VTI1A: variants seen among roughly 807,000 people sequenced by gnomAD.
VTI1A encodes vesicle transport through interaction with t-SNAREs homolog 1A.
A neutral mutation model predicts 34.9 loss-of-function variants in VTI1A; 22 were observed. That is an observed-to-expected ratio of 0.63 (90% CI 0.45 to 0.90). VTI1A has a LOEUF of 0.90. VTI1A is among the 40% of genes least tolerant of loss of function. The pLI is 0.00. For missense variants in VTI1A, 268 were observed against 275.6 expected (o/e 0.97, Z 0.20); for synonymous variants, 87 against 97.3 (o/e 0.89, Z 0.62).
At chr10:112,641,374 G>T (rs1846565917) in intron 5 of VTI1A, among the ~76,000 whole-genome samples, 1 of 152,126 alleles carries the variant, frequency 6.6e-6, no homozygotes, top group African/African-American at 2.4e-5. Flanking sequence ...TCCTTACTTT[G>T]CACAATGTGG....
chr10:112,455,560 C>T (rs1589786687), intron 1 of VTI1A, among the ~76,000 whole-genome samples: 1 of 115,362 alleles, frequency 8.7e-6, no homozygotes, highest in South Asian at 3.6e-4. Flanking sequence ...TCCTTCCTTC[C>T]TTCCTTCTCT....
chr10:112,512,321 C>A (rs1483630293), intron 3 of VTI1A, among the ~76,000 whole-genome samples: 1 of 152,070 alleles, frequency 6.6e-6, no homozygotes, highest in Non-Finnish European at 1.5e-5. Flanking sequence ...AGCATTTTTT[C>A]ATATACCTGT....
At chr10:112,830,849 A>ATATATATATATATTTTTTTTTTTTT in the VTI1A span, among the ~76,000 whole-genome samples, 3 of 33,498 alleles carry the variant, frequency 9.0e-5, no homozygotes, top group African/African-American at 4.3e-4. Context: ...ATATATATAT[A>ATATATATATATATTTTTTTTTTTTT]TTTTTTTTTT....
chr10:112,823,880 A>G, the VTI1A span: 1 of 152,138 alleles, frequency 6.6e-6, no homozygotes, highest in Non-Finnish European at 1.5e-5. Flanking sequence ...AAAACTTTTG[A>G]GCTTTGTGGG....
intron 3 of VTI1A, among the ~76,000 whole-genome samples, chr10:112,516,470 A>G (rs1223398936): frequency 1.3e-5 from 2 of 152,078 alleles, no homozygotes; most frequent in African/African-American, 4.8e-5. Flanking sequence ...TTTTTAGACA[A>G]TTATTCATTT....
chr10:112,822,339 G>A (rs1195485535), downstream of VTI1A, among the ~76,000 whole-genome samples: 1 of 152,206 alleles, frequency 6.6e-6, no homozygotes, highest in Non-Finnish European at 1.5e-5. Context: ...CTCTGCAAAG[G>A]AGCAGTAATG....
intron 7 of VTI1A, among the ~76,000 whole-genome samples, chr10:112,684,361 T>G (rs776013581): frequency 2.0e-5 from 3 of 152,184 alleles, no homozygotes; most frequent in Non-Finnish European, 4.4e-5. Context: ...AGCTATACAG[T>G]GAAGCTATGT....
Position 112,650,138 on chromosome 10 carries a change from G to A in VTI1A, c.428-18080G>A, listed in dbSNP as rs915789680. On this transcript the variant is annotated intron_variant, in intron 5 of 7. Coordinates refer to ENST00000393077, the MANE Select transcript of VTI1A (RefSeq NM_145206.4). ...AATTGTTTGATTCTTTCGTAATAAC[G>A]CTTAGCTTAAAACACATTGTACAGC... Among the ~76,000 whole-genome samples, 11 of 152,078 alleles carry A rather than the reference G, an allele frequency of 7.2e-5. 1 individual carries two copies. The highest frequency in any genetic ancestry group is 2.7e-4 in the African/African-American group (11 of 41,390).
intron 5 of VTI1A, among the ~76,000 whole-genome samples, chr10:112,567,481 T>G (rs903739019): frequency 3.3e-5 from 5 of 152,246 alleles, no homozygotes; most frequent in African/African-American, 1.2e-4. Flanking sequence ...ATGTCTGTGA[T>G]ATCACACAAT....
chr10:112,495,753 C>G (rs970769646), intron 3 of VTI1A, among the ~76,000 whole-genome samples: 1 of 152,042 alleles, frequency 6.6e-6, no homozygotes, highest in Non-Finnish European at 1.5e-5. Context: ...GAAGAGAGTT[C>G]TCGACCAAGC....
intron 7 of VTI1A, among the ~76,000 whole-genome samples, chr10:112,695,766 G>A (rs1232229059): frequency 2.0e-5 from 3 of 152,160 alleles, no homozygotes; most frequent in African/African-American, 4.8e-5. Flanking sequence ...CACACCCAGG[G>A]CTGTGAAATC....
intron 3 of VTI1A, among the ~76,000 whole-genome samples, chr10:112,483,931 T>C (rs1443847787): frequency 1.3e-5 from 2 of 152,216 alleles, no homozygotes; most frequent in Non-Finnish European, 2.9e-5. Flanking sequence ...TCTCCTAATT[T>C]GGATCCAGGA....
At chr10:112,669,085 A>C in intron 7 of VTI1A, 87 bp downstream of exon 7, 1 of 1,489,248 alleles carries the variant, frequency 6.7e-7, no homozygotes, top group Non-Finnish European at 9.3e-7. Context: ...GGCATATTAC[A>C]TGCTTTTGAG....
intron 7 of VTI1A, among the ~76,000 whole-genome samples, chr10:112,687,298 A>T (rs1019079654): frequency 2.4e-5 from 3 of 125,762 alleles, no homozygotes; most frequent in African/African-American, 9.6e-5. Context: ...CAGTGGCGCG[A>T]TCTCAGCTCA....
At position 112,447,405 on chromosome 10, in the gene VTI1A, A is replaced by G. The variant is rs1316354315; in HGVS notation, c.32A>G (p.Asp11Gly). The G allele has an allele frequency of 1.2e-6, 2 of 1,613,740 alleles. No individual in the cohort carries two copies. Among genetic ancestry groups the G allele is most frequent in the East Asian group, 2.2e-5 (1 of 44,874 alleles). Residue 11 changes from aspartate (D) to glycine (G), a missense_variant, in exon 1 of 8, where the codon GAC becomes GGC. Physicochemically the swap from Asp to Gly is moderately conservative, Grantham distance 94. Coordinates refer to ENST00000393077, the MANE Select transcript of VTI1A (RefSeq NM_145206.4). Reference protein sequence around the residue: MSSDFEGYEQDFAVLTAEITS... With the variant: MSSDFEGYEQGFAVLTAEITS... ...TCCGACTTCGAAGGTTACGAGCAGG[A>G]CTTCGCGGTGCTCACTGCAGAGATC...
intron 3 of VTI1A, among the ~76,000 whole-genome samples, chr10:112,502,627 C>T (rs938262143): frequency 6.6e-6 from 1 of 152,164 alleles, no homozygotes; most frequent in Non-Finnish European, 1.5e-5. Context: ...TAAAAGTGAA[C>T]TGGTTTTATT....
chr10:112,499,377 C>G (rs1165840260), intron 3 of VTI1A, among the ~76,000 whole-genome samples: 2 of 152,100 alleles, frequency 1.3e-5, no homozygotes, highest in Non-Finnish European at 2.9e-5. Flanking sequence ...CCATTGGATT[C>G]TCTTTTTCTG....
At chr10:112,618,524 T>TATATATATATATAGAG (rs748276058) in intron 5 of VTI1A, among the ~76,000 whole-genome samples, 7 of 34,580 alleles carry the variant, frequency 2.0e-4, no homozygotes, top group Non-Finnish European at 3.1e-4. Flanking sequence ...TATATATATA[T>TATATATATATATAGAG]AGAGAGAGAG....
intron 5 of VTI1A, chr10:112,548,840 C>T (rs1052752271): frequency 9.4e-6 from 14 of 1,490,892 alleles, no homozygotes; most frequent in African/African-American, 1.4e-5. Flanking sequence ...AATTTAGGGC[C>T]ATCTTCCAGC....
Sources: allele counts gnomAD v4.1 joint callset (sites outside exome capture counted in the v4.1 genomes callset), GRCh38; gene constraint gnomAD v4.1.1; transcripts MANE v1.5; gene names NCBI Gene and HGNC (gene_info 2026-07-23, HGNC 2026-07-21).